Variants in CHD5 observed in about 807,000 individuals in gnomAD.
CHD5 encodes the protein chromodomain helicase DNA binding protein 5.
In CHD5, 69 loss-of-function variants were observed where a neutral mutation model predicts 230.3. The ratio of observed to expected loss-of-function variants is 0.30; its 90% confidence interval spans 0.25 to 0.37. CHD5 has a LOEUF of 0.37. CHD5 is among the 10% of genes least tolerant of loss of function. The pLI, the probability that CHD5 is intolerant of heterozygous loss-of-function variation, is 1.00. For synonymous variants in CHD5, 1,064 were observed against 1,065.9 expected, an observed-to-expected ratio of 1.00 and a Z score of 0.03; for missense variants, 1,827 against 2,622.8, an observed-to-expected ratio of 0.70 and a Z score of 6.63.
chr1:6,114,287 G>A (rs1344393073), intron 33 of CHD5, among the ~76,000 whole-genome samples: 7 of 151,632 alleles, frequency 4.6e-5, no homozygotes, highest in Non-Finnish European at 7.4e-5. Flanking sequence ...TGATGAGGAT[G>A]CACCCAATCT....
Position 6,125,282 on chromosome 1 carries a change from G to T in CHD5, c.4261-49C>A. On this transcript the variant is annotated intron_variant, in intron 28 of 41. Coordinates refer to ENST00000262450, the MANE Select transcript of CHD5 (RefSeq NM_015557.3). The surrounding 1 kb of genome is among the most constrained non-coding windows in gnomAD (Gnocchi z 6.7). ...ATGAGCCCAGGACAGAGAGGGGTGG[G>T]GGTGGAGGATTCTGGGATGGGGGAA... 3 of 1,542,976 alleles carry T rather than the reference G, an allele frequency of 1.9e-6. No homozygotes were observed. The highest frequency in any genetic ancestry group is 1.2e-5 in the South Asian group (1 of 85,782).
chr1:6,171,514 C>G (rs376777873), intron 1 of CHD5, among the ~76,000 whole-genome samples: 19 of 151,892 alleles, frequency 1.3e-4, no homozygotes, highest in South Asian at 2.1e-4. Flanking sequence ...ACTGCCCCCC[C>G]CAACACCTCA....
At chr1:6,168,353 TG>T in intron 1 of CHD5, 76 bp from the exon 2 acceptor site, 1 of 1,481,972 alleles carries the variant, frequency 6.7e-7, no homozygotes, top group Non-Finnish European at 9.0e-7. Flanking sequence ...GAGCCAGCCC[TG>T]GGGAAGCTGG....
chr1:6,126,510 G>C lies in CHD5; in HGVS notation c.4078+62C>G. The stretch of plus-strand genomic sequence containing the variant: ...GGTTCTGCACAGGGATGCCCTGACA[G>C]AATCCTGCCCCACCCTCCGCCTCTG... On this transcript the variant is annotated intron_variant, in intron 26 of 41. Coordinates refer to ENST00000262450, the MANE Select transcript of CHD5 (RefSeq NM_015557.3). This position sits in a 1 kb window ranked among gnomAD's most constrained non-coding sequence, Gnocchi z 5.7. The C allele has an allele frequency of 7.5e-6, 11 of 1,456,978 alleles. No individual in the cohort carries two copies. The highest frequency in any genetic ancestry group is 9.6e-6 in the Non-Finnish European group (10 of 1,043,076). 90.3% of individuals were successfully genotyped at this position (1,456,978 alleles called of 1,614,324 possible).
intron 38 of CHD5, among the ~76,000 whole-genome samples, chr1:6,108,616 GAC>G (rs1275926442): frequency 3.5e-5 from 5 of 141,284 alleles, no homozygotes; most frequent in Admixed American, 6.9e-5. Flanking sequence ...GATGAAGGAT[GAC>G]AGAGGGATGA....
chr1:6,129,077 G>T lies in CHD5; in HGVS notation c.3388-8C>A. The T allele has an allele frequency of 1.9e-6, 3 of 1,590,040 alleles. No individual in the cohort carries two copies. Among genetic ancestry groups the T allele is most frequent in the South Asian group, 1.1e-5 (1 of 90,628 alleles). On this transcript the variant is annotated splice_polypyrimidine_tract_variant and splice_region_variant and intron_variant, in intron 22 of 41. Transcript: ENST00000262450. The surrounding 1 kb of genome is among the most constrained non-coding windows in gnomAD (Gnocchi z 6.8). ...GTGGGCGCGGCTGAAGGCCTGGGGA[G>T]ACCTGCACCTCAGCACCCGTGGCTC...
rs749697207 is a variant in CHD5 at position 6,154,718 on chromosome 1, G to A, written c.687C>T (p.Ser229=). The A allele has an allele frequency of 3.1e-6, 5 of 1,607,132 alleles. No individual in the cohort carries two copies. The highest frequency in any genetic ancestry group is 2.7e-5 in the African/African-American group (2 of 74,826). The part of the protein sequence containing the change: ...TVTISPPLAV[S]PPQVPQPVPI... ...GCACAGGCTGGGGCACCTGCGGGGGGCTGACGGCTAGCGGAGGGGAGATGG... is the reference window on the plus strand; with the variant it reads ...GCACAGGCTGGGGCACCTGCGGGGGACTGACGGCTAGCGGAGGGGAGATGG... Residue 229 remains serine, a synonymous_variant, in exon 5 of 42, where the codon AGC becomes AGT. Transcript: ENST00000262450. This position sits in a 1 kb window ranked among gnomAD's most constrained non-coding sequence, Gnocchi z 7.0.
chr1:6,115,197 G>A (rs988479163), intron 33 of CHD5, among the ~76,000 whole-genome samples: 3 of 151,592 alleles, frequency 2.0e-5, no homozygotes, highest in Non-Finnish European at 2.9e-5. Flanking sequence ...GTGGTGGCGG[G>A]TGCCTGTAGT....
intron 1 of CHD5, among the ~76,000 whole-genome samples, chr1:6,177,971 C>T (rs1348326580): frequency 6.6e-6 from 1 of 152,026 alleles, no homozygotes; most frequent in Non-Finnish European, 1.5e-5. Context: ...AGTGGGTGGT[C>T]AGAAGGAGTG....
intron 3 of CHD5, among the ~76,000 whole-genome samples, chr1:6,158,038 T>C (rs1441486888): frequency 6.6e-6 from 1 of 152,200 alleles, no homozygotes; most frequent in East Asian, 1.9e-4. Context: ...TATCTTTAAA[T>C]CTGTGACCAG....
At chr1:6,137,770 T>C (rs564886214) in intron 15 of CHD5, among the ~76,000 whole-genome samples, 2 of 152,356 alleles carry the variant, frequency 1.3e-5, no homozygotes, top group African/African-American at 4.8e-5. Context: ...AGGTTGCTGA[T>C]GTGAAATTAT....
chr1:6,162,138 T>C (rs1374239499), intron 2 of CHD5, among the ~76,000 whole-genome samples: 1 of 151,840 alleles, frequency 6.6e-6, no homozygotes, highest in Non-Finnish European at 1.5e-5. Context: ...TCCCAGCACT[T>C]TGGGAGGCCG....
At position 6,149,078 on chromosome 1, in the gene CHD5, G is replaced by C; in HGVS notation, c.1162-3C>G. ...TCCCACTGGATCCCCTCCTTCTCCTGGGGGAGGAGGCCAGGTGGAGGCACC... is the reference window on the plus strand; with the variant it reads ...TCCCACTGGATCCCCTCCTTCTCCTCGGGGAGGAGGCCAGGTGGAGGCACC... On this transcript the variant is annotated splice_polypyrimidine_tract_variant and splice_region_variant and intron_variant, in intron 8 of 41. Transcript: ENST00000262450. 1 of 1,513,274 alleles carries C rather than the reference G, an allele frequency of 6.6e-7. No individual in the cohort carries two copies. The highest frequency in any genetic ancestry group is 8.9e-7 in the Non-Finnish European group (1 of 1,128,812). 93.7% of individuals were successfully genotyped at this position (1,513,274 alleles called of 1,614,324 possible). A position where few individuals can be genotyped will look rare whatever the true frequency, so the allele number is the denominator to read the frequency against.
chr1:6,146,097 C>T lies in CHD5; in HGVS notation c.1802+115G>A, dbSNP rs771010201. On this transcript the variant is annotated intron_variant, in intron 11 of 41. Coordinates refer to ENST00000262450, the MANE Select transcript of CHD5 (RefSeq NM_015557.3). This position sits in a 1 kb window ranked among gnomAD's most constrained non-coding sequence, Gnocchi z 5.1. The stretch of plus-strand genomic sequence containing the variant: ...TGCTGTGCCCACATGTGGTTCTGCA[C>T]GGCAGCCCCAAAGCAAGGGCCCTGG... 4.6e-5 allele frequency: 46 copies of T among 1,004,240 alleles called. No individual in the cohort carries two copies. In the East Asian group the frequency reaches 5.5e-4, roughly 12 times the overall value. 62.2% of individuals were successfully genotyped at this position (1,004,240 alleles called of 1,614,324 possible). A position where few individuals can be genotyped will look rare whatever the true frequency, so the allele number is the denominator to read the frequency against.
At chr1:6,113,088 A>C in intron 33 of CHD5, 90 bp from the exon 34 acceptor site, 1 of 865,748 alleles carries the variant, frequency 1.2e-6, no homozygotes, top group East Asian at 2.4e-5. Flanking sequence ...ATGGAACCCT[A>C]TCCATCAATA....
rs111064359 is a variant in CHD5 at position 6,108,367 on chromosome 1, G to A, written c.5578+1428C>T. ...ATGAAGGGATAATGGAGGGATGGAG[G>A]AATGGAAGGACGAAGGGATGATGGA... is the stretch of plus-strand genomic sequence containing the variant. On this transcript the variant is annotated intron_variant, in intron 38 of 41. Transcript: ENST00000262450. Among the ~76,000 whole-genome samples, 532 of 146,864 alleles carry A rather than the reference G, an allele frequency of 3.6e-3. 2 individuals carry two copies. Among genetic ancestry groups the A allele is most frequent in the African/African-American group, 0.012 (491 of 39,656 alleles).
At chr1:6,133,452 A>G (rs763341111) in intron 20 of CHD5, among the ~76,000 whole-genome samples, 91 of 152,368 alleles carry the variant, frequency 6.0e-4, no homozygotes, top group Non-Finnish European at 8.5e-4. Flanking sequence ...GCCATAGCCC[A>G]GACTCTGGGT....
In CHD5 at chr1:6,154,704, G is replaced by A. The variant is rs765294822; in HGVS notation, c.701C>T (p.Pro234Leu). The A allele has an allele frequency of 1.9e-6, 3 of 1,601,512 alleles. No individual in the cohort carries two copies. Among genetic ancestry groups the A allele is most frequent in the Non-Finnish European group, 1.7e-6 (2 of 1,172,856 alleles). Reference sequence around the variant, plus strand: ...GGCCTTGCGGATAGGCACAGGCTGGGGCACCTGCGGGGGGCTGACGGCTAG... The same window carrying A: ...GGCCTTGCGGATAGGCACAGGCTGGAGCACCTGCGGGGGGCTGACGGCTAG... ...PPLAVSPPQV[P>L]QPVPIRKAKT... Residue 234 changes from proline (P) to leucine (L), a missense_variant, in exon 5 of 42, where the codon CCC becomes CTC. Around this residue, in one of 14 missense-constraint regions of CHD5, gnomAD observed 657 missense variants for 816.4 expected, o/e 0.80. Transcript: ENST00000262450. This position sits in a 1 kb window ranked among gnomAD's most constrained non-coding sequence, Gnocchi z 7.0.
In CHD5 at chr1:6,130,101, A is replaced by T. The variant is rs756671607; in HGVS notation, c.3387+103T>A. The T allele has an allele frequency of 7.4e-6, 10 of 1,351,246 alleles. No homozygotes were observed. In the East Asian group the frequency reaches 2.3e-4, roughly 32 times the overall value. 83.7% of individuals were successfully genotyped at this position (1,351,246 alleles called of 1,614,324 possible). On this transcript the variant is annotated intron_variant, in intron 22 of 41. Coordinates refer to ENST00000262450, the MANE Select transcript of CHD5 (RefSeq NM_015557.3). This position sits in a 1 kb window ranked among gnomAD's most constrained non-coding sequence, Gnocchi z 4.9. Reference sequence around the variant, plus strand: ...GGGGAGGGAGGCCCACAGCACCAGGATAGGTGAGGGGGTGATGGCAAGAAG... The same window carrying T: ...GGGGAGGGAGGCCCACAGCACCAGGTTAGGTGAGGGGGTGATGGCAAGAAG...
Sources: allele counts gnomAD v4.1 joint callset (sites outside exome capture counted in the v4.1 genomes callset), GRCh38; gene constraint gnomAD v4.1.1; regional missense constraint gnomAD v4.1.1; non-coding constraint Gnocchi (gnomAD v3.1); transcripts MANE v1.5; gene names NCBI Gene and HGNC (gene_info 2026-07-23, HGNC 2026-07-21).